Variants in THSD7A observed in about 807,000 individuals in gnomAD.
THSD7A encodes thrombospondin type-1 domain-containing protein 7A.
THSD7A carries 96 observed loss-of-function variants against 231.3 expected under a neutral mutation model. The observed-to-expected ratio is 0.41, with a 90% CI of 0.35 to 0.49. The LOEUF (loss-of-function observed/expected upper bound fraction) is 0.49. Ranked by LOEUF, THSD7A falls within the 20% of genes least tolerant of loss-of-function variation. THSD7A has a pLI of 0.05. For synonymous variants in THSD7A, 940 were observed against 743.3 expected (o/e 1.26, Z -4.30); for missense variants, 2,290 against 2,070.2 (o/e 1.11, Z -2.06).
intron 1 of THSD7A, among the ~76,000 whole-genome samples, chr7:11,735,970 T>C (rs918368582): frequency 6.6e-6 from 1 of 151,928 alleles, no homozygotes; most frequent in South Asian, 2.1e-4. Context: ...TTACTTCTAG[T>C]GTTATATTAA....
chr7:11,568,262 T>C (rs746525641), intron 4 of THSD7A, among the ~76,000 whole-genome samples: 4 of 152,174 alleles, frequency 2.6e-5, no homozygotes, highest in South Asian at 4.1e-4. Context: ...CAGCAACGTA[T>C]GTGGGATGGG....
intron 1 of THSD7A, among the ~76,000 whole-genome samples, chr7:11,792,993 G>T (rs4719286): frequency 6.6e-6 from 1 of 151,820 alleles, no homozygotes; most frequent in Non-Finnish European, 1.5e-5. Context: ...CATTATACCT[G>T]TGGATAAATT....
At chr7:11,717,420 T>C (rs1364257434) in intron 1 of THSD7A, among the ~76,000 whole-genome samples, 2 of 151,674 alleles carry the variant, frequency 1.3e-5, no homozygotes, top group Admixed American at 6.6e-5. Context: ...TATAAGTGCA[T>C]TCCTACCTCT....
chr7:11,528,818 T>A (rs1437624825), intron 6 of THSD7A, among the ~76,000 whole-genome samples: 1 of 152,298 alleles, frequency 6.6e-6, no homozygotes, highest in African/African-American at 2.4e-5. Context: ...TCTCTTTTTT[T>A]ACTTCCTAAT....
At chr7:11,645,215 C>T (rs962685464) in intron 1 of THSD7A, among the ~76,000 whole-genome samples, 8 of 151,654 alleles carry the variant, frequency 5.3e-5, no homozygotes, top group African/African-American at 1.2e-4. Context: ...ATTTCCTCTC[C>T]TGTAAATTAT....
chr7:11,407,945 G>T (rs1439694909), intron 19 of THSD7A, among the ~76,000 whole-genome samples: 1 of 152,032 alleles, frequency 6.6e-6, no homozygotes, highest in Non-Finnish European at 1.5e-5. Flanking sequence ...TTTAAAAAAA[G>T]AAATATGGGT....
intron 1 of THSD7A, among the ~76,000 whole-genome samples, chr7:11,702,367 T>C (rs1780632202): frequency 2.0e-5 from 3 of 151,242 alleles, no homozygotes; most frequent in African/African-American, 7.3e-5. Flanking sequence ...ACAGCATGAC[T>C]GTGGTTTCTG....
chr7:11,708,097 T>C (rs1474513977), intron 1 of THSD7A, among the ~76,000 whole-genome samples: 1 of 150,780 alleles, frequency 6.6e-6, no homozygotes, highest in East Asian at 2.0e-4. Context: ...TACTCATGCG[T>C]TATTAATCTT....
intron 1 of THSD7A, chr7:11,751,391 A>G (rs532550015): frequency 6.6e-6 from 1 of 152,110 alleles, no homozygotes; most frequent in African/African-American, 2.4e-5. Context: ...TTTATGCCCT[A>G]CTGAATGGAA....
At chr7:11,551,551 T>C (rs573888608) in intron 4 of THSD7A, among the ~76,000 whole-genome samples, 2 of 152,104 alleles carry the variant, frequency 1.3e-5, no homozygotes, top group South Asian at 4.2e-4. Context: ...TGAATAGACA[T>C]TTTTCAAAAG....
intron 4 of THSD7A, among the ~76,000 whole-genome samples, chr7:11,578,163 C>G (rs13229378): frequency 6.6e-6 from 1 of 151,820 alleles, no homozygotes; most frequent in Non-Finnish European, 1.5e-5. Flanking sequence ...GGATTTGGAG[C>G]GAAACTGTTA....
Position 11,831,770 on chromosome 7 carries a change from A to G in THSD7A, c.177T>C (p.Tyr59=). 1 of 1,479,408 alleles carries G rather than the reference A, an allele frequency of 6.8e-7. No homozygotes were observed. Among genetic ancestry groups the G allele is most frequent in the Non-Finnish European group, 9.0e-7 (1 of 1,111,882 alleles). 91.6% of individuals were successfully genotyped at this position (1,479,408 alleles called of 1,614,324 possible). Residue 59 remains tyrosine, a synonymous_variant, in exon 1 of 28, where the codon TAT becomes TAC. Coordinates refer to ENST00000423059, the MANE Select transcript of THSD7A (RefSeq NM_015204.3). The surrounding 1 kb of genome is among the most constrained non-coding windows in gnomAD (Gnocchi z 5.0). ...CGTCCCACTTACCAGTCTTCCACAG[A>G]TAGAGGGTGGGCGCCTCCGCCTCGC... is the stretch of plus-strand genomic sequence containing the variant. ...AQGEAEAPTL[Y]LWKTGPWGRC...
chr7:11,624,970 G>A (rs1781432767), intron 2 of THSD7A, among the ~76,000 whole-genome samples: 1 of 151,962 alleles, frequency 6.6e-6, no homozygotes, highest in Non-Finnish European at 1.5e-5. Context: ...AAAAGCATTT[G>A]AACACCATTT....
At chr7:11,455,239 A>T (rs1156696771) in intron 11 of THSD7A, among the ~76,000 whole-genome samples, 3 of 152,064 alleles carry the variant, frequency 2.0e-5, no homozygotes, top group African/African-American at 7.2e-5. Flanking sequence ...CTTGACCTTC[A>T]CATGCACCAG....
intron 11 of THSD7A, among the ~76,000 whole-genome samples, chr7:11,449,795 T>C (rs1359418185): frequency 6.6e-6 from 1 of 151,964 alleles, no homozygotes; most frequent in Non-Finnish European, 1.5e-5. Flanking sequence ...GTGCCGATGG[T>C]TCATGGACAA....
chr7:11,725,510 C>G (rs1781517295), intron 1 of THSD7A, among the ~76,000 whole-genome samples: 1 of 151,866 alleles, frequency 6.6e-6, no homozygotes, highest in Admixed American at 6.6e-5. Context: ...AAGTAATTTG[C>G]CATTAACGTA....
chr7:11,739,073 G>A (rs191581207), intron 1 of THSD7A, among the ~76,000 whole-genome samples: 4 of 151,886 alleles, frequency 2.6e-5, no homozygotes, highest in Admixed American at 6.6e-5. Flanking sequence ...ATTTTTATTC[G>A]GTGGCCCAAG....
In THSD7A at chr7:11,745,528, T is replaced by G. The variant is rs542236646; in HGVS notation, c.190+86229A>C. ...AAATGAAGTCCTTGCCCATGCCTAT[T>G]TCCTGAATGGTATTGCCTAGGTTTT... On this transcript the variant is annotated intron_variant, in intron 1 of 27. Transcript: ENST00000423059. Among the ~76,000 whole-genome samples the G allele has an allele frequency of 1.3e-3, 200 of 152,046 alleles. 1 individual carries two copies. The highest frequency in any genetic ancestry group is 2.3e-3 in the Non-Finnish European group (158 of 67,924).
intron 1 of THSD7A, among the ~76,000 whole-genome samples, chr7:11,642,761 C>A (rs116275175): frequency 6.6e-6 from 1 of 152,210 alleles, no homozygotes; most frequent in Non-Finnish European, 1.5e-5. Flanking sequence ...TAATTCTGCA[C>A]TAACTTTAAC....
Sources: allele counts gnomAD v4.1 joint callset (sites outside exome capture counted in the v4.1 genomes callset), GRCh38; gene constraint gnomAD v4.1.1; non-coding constraint Gnocchi (gnomAD v3.1); transcripts MANE v1.5; gene names NCBI Gene and HGNC (gene_info 2026-07-23, HGNC 2026-07-21).